The following ARHGAP24 variants were observed in gnomAD, a reference collection of about 807,000 sequenced individuals.
ARHGAP24 encodes the protein Rho GTPase activating protein 24.
In ARHGAP24, 50 loss-of-function variants were observed where a neutral mutation model predicts 76.4. That is an observed-to-expected ratio of 0.65 (90% CI 0.52 to 0.83). The LOEUF is 0.83. Ranked by LOEUF, ARHGAP24 falls within the 40% of genes least tolerant of loss-of-function variation. The pLI is 0.00. For missense variants in ARHGAP24, 930 were observed against 914.2 expected (o/e 1.02, Z -0.22); for synonymous variants, 345 against 323.3 (o/e 1.07, Z -0.72).
chr4:85,742,308 G>A (rs953001514), intron 3 of ARHGAP24, among the ~76,000 whole-genome samples: 2 of 152,156 alleles, frequency 1.3e-5, no homozygotes, highest in East Asian at 1.9e-4. Flanking sequence ...CATGGAGAGC[G>A]GGAGAAAATG....
At chr4:85,542,064 A>G (rs1052722531) in intron 1 of ARHGAP24, among the ~76,000 whole-genome samples, 1 of 152,208 alleles carries the variant, frequency 6.6e-6, no homozygotes, top group Non-Finnish European at 1.5e-5. Context: ...TAAGCATCTT[A>G]AAACCTTTAA....
intron 2 of ARHGAP24, among the ~76,000 whole-genome samples, chr4:85,637,055 C>T (rs982510550): frequency 6.6e-6 from 1 of 152,044 alleles, no homozygotes; most frequent in Non-Finnish European, 1.5e-5. Context: ...AATATTAAAT[C>T]TAGAGCCAAG....
chr4:85,658,840 C>G (rs1722275545), intron 2 of ARHGAP24, among the ~76,000 whole-genome samples: 1 of 152,028 alleles, frequency 6.6e-6, no homozygotes, highest in South Asian at 2.1e-4. Context: ...GGATAGGGGT[C>G]CTTGGAGTAA....
chr4:85,949,847 A>G (rs1008203359), intron 5 of ARHGAP24, among the ~76,000 whole-genome samples: 2 of 152,216 alleles, frequency 1.3e-5, no homozygotes, highest in Non-Finnish European at 2.9e-5. Context: ...CTCATTCAAC[A>G]AATAATTTTG....
Position 85,714,875 on chromosome 4 carries a change from G to A in ARHGAP24, c.181-7010G>A, listed in dbSNP as rs187171376. On this transcript the variant is annotated intron_variant, in intron 2 of 9. Transcript: ENST00000395184. ...AAAACTTCCCCAAACTGCTTTAATA[G>A]CAGCCATTGATTAGAAAGAGGAACA... is the stretch of plus-strand genomic sequence containing the variant. 1.4e-4 allele frequency among the ~76,000 whole-genome samples: 22 copies of A among 152,226 alleles called. No individual in the cohort carries two copies. In the East Asian group the frequency reaches 4.0e-3, roughly 28 times the overall value.
intron 3 of ARHGAP24, among the ~76,000 whole-genome samples, chr4:85,796,235 T>C (rs578212746): frequency 1.3e-5 from 2 of 152,158 alleles, no homozygotes; most frequent in East Asian, 1.9e-4. Flanking sequence ...CACACATATA[T>C]ACAATTTAGA....
At chr4:85,632,053 T>A (rs193128057) in intron 2 of ARHGAP24, among the ~76,000 whole-genome samples, 2 of 152,194 alleles carry the variant, frequency 1.3e-5, no homozygotes, top group Admixed American at 1.3e-4. Flanking sequence ...TATTTTAATA[T>A]CTTGTTTGTT....
chr4:85,756,533 A>G (rs1726502450), intron 3 of ARHGAP24, among the ~76,000 whole-genome samples: 1 of 152,264 alleles, frequency 6.6e-6, no homozygotes, highest in Non-Finnish European at 1.5e-5. Context: ...TTCATAGTAA[A>G]AAATGAGAAG....
intron 2 of ARHGAP24, among the ~76,000 whole-genome samples, chr4:85,693,971 A>T (rs952426774): frequency 7.1e-4 from 108 of 152,258 alleles, no homozygotes; most frequent in African/African-American, 2.5e-3. Flanking sequence ...CCAGAGGACC[A>T]TGGTGAGAGT....
intron 1 of ARHGAP24, among the ~76,000 whole-genome samples, chr4:85,545,700 G>A (rs1725896121): frequency 6.6e-6 from 1 of 152,134 alleles, no homozygotes; most frequent in Non-Finnish European, 1.5e-5. Flanking sequence ...AACTCAAAAT[G>A]AAATATATAT....
chr4:85,804,578 C>T (rs1262148251), intron 3 of ARHGAP24, among the ~76,000 whole-genome samples: 1 of 152,104 alleles, frequency 6.6e-6, no homozygotes, highest in Non-Finnish European at 1.5e-5. Context: ...GCAGGCAGCT[C>T]AGAAACATAA....
chr4:85,589,108 G>A (rs1377678383), intron 2 of ARHGAP24, among the ~76,000 whole-genome samples: 1 of 152,188 alleles, frequency 6.6e-6, no homozygotes, highest in Non-Finnish European at 1.5e-5. Context: ...CCTCCTTATA[G>A]TTTTGCAGAG....
At position 85,593,349 on chromosome 4, in the gene ARHGAP24, G is replaced by A. The variant is rs114259348; in HGVS notation, c.180+22628G>A. ...TTATTTGAGCTGCTTATATATTCTG[G>A]TTATTAACCCCTTGTCAGATAAGTG... On this transcript the variant is annotated intron_variant, in intron 2 of 9. Coordinates refer to ENST00000395184, the MANE Select transcript of ARHGAP24 (RefSeq NM_001025616.3). Among the ~76,000 whole-genome samples, 1,275 of 152,162 alleles carry A rather than the reference G, an allele frequency of 8.4e-3. 20 individuals are homozygous for A. Among genetic ancestry groups the A allele is most frequent in the African/African-American group, 0.029 (1,217 of 41,506 alleles).
chr4:85,664,720 T>A (rs1722542021), intron 2 of ARHGAP24, among the ~76,000 whole-genome samples: 5 of 151,542 alleles, frequency 3.3e-5, no homozygotes, highest in Admixed American at 3.3e-4. Context: ...GTGTCTTTGT[T>A]CTCGTTGGTT....
intron 1 of ARHGAP24, among the ~76,000 whole-genome samples, chr4:85,513,418 T>A (rs1724360525): frequency 6.6e-6 from 1 of 152,176 alleles, no homozygotes; most frequent in African/African-American, 2.4e-5. Flanking sequence ...TAGTACTCCA[T>A]TACCTGATTG....
intron 8 of ARHGAP24, 112 bp from the exon 9 acceptor site, chr4:85,994,471 C>A: frequency 4.7e-6 from 5 of 1,058,804 alleles, no homozygotes; most frequent in African/African-American, 1.6e-5. Context: ...TGGTTTGGTA[C>A]TGATAATAAT....
intron 5 of ARHGAP24, among the ~76,000 whole-genome samples, chr4:85,963,236 G>A (rs1738367575): frequency 1.3e-5 from 2 of 151,952 alleles, no homozygotes; most frequent in Admixed American, 6.6e-5. Flanking sequence ...AAGTTAATGG[G>A]TTTTTTTGTA....
At chr4:85,670,641 T>A (rs1722787102) in intron 2 of ARHGAP24, among the ~76,000 whole-genome samples, 1 of 152,236 alleles carries the variant, frequency 6.6e-6, no homozygotes, top group Admixed American at 6.5e-5. Context: ...ACTGAATTAC[T>A]ATTATTTATT....
At chr4:85,978,300 G>A (rs577053263) in intron 8 of ARHGAP24, among the ~76,000 whole-genome samples, 14 of 152,278 alleles carry the variant, frequency 9.2e-5, no homozygotes, top group Middle Eastern at 3.4e-3. Context: ...AAAGAAAAAG[G>A]AAAGGAGAAA....
Sources: allele counts gnomAD v4.1 joint callset (sites outside exome capture counted in the v4.1 genomes callset), GRCh38; gene constraint gnomAD v4.1.1; transcripts MANE v1.5; gene names NCBI Gene and HGNC (gene_info 2026-07-23, HGNC 2026-07-21).